ARHGAP12: variants seen among roughly 807,000 people sequenced by gnomAD.
ARHGAP12 encodes Rho GTPase activating protein 12, also known as rho GTPase-activating protein 12.
A neutral mutation model predicts 108.6 loss-of-function variants in ARHGAP12; 64 were observed. The observed-to-expected ratio is 0.59, with a 90% CI of 0.48 to 0.73. ARHGAP12 has a LOEUF of 0.73. Ranked by LOEUF, ARHGAP12 falls within the 30% of genes least tolerant of loss-of-function variation. The pLI is 0.00. For missense variants in ARHGAP12, 940 were observed against 1,005.9 expected, an observed-to-expected ratio of 0.93 and a Z score of 0.89; for synonymous variants, 312 against 337.2, an observed-to-expected ratio of 0.93 and a Z score of 0.82.
chr10:31,870,997 AACT>A (rs1453851733), intron 3 of ARHGAP12, among the ~76,000 whole-genome samples: 1 of 152,152 alleles, frequency 6.6e-6, no homozygotes, highest in Non-Finnish European at 1.5e-5. Flanking sequence ...AAGAGGACAA[AACT>A]ACTCTAATGA....
intron 3 of ARHGAP12, among the ~76,000 whole-genome samples, chr10:31,867,331 G>A (rs937618787): frequency 2.0e-5 from 3 of 151,802 alleles, no homozygotes; most frequent in African/African-American, 4.8e-5. Flanking sequence ...CTGATCTCTG[G>A]CAAAAAGAAA....
At chr10:31,926,437 G>C (rs71491494) in intron 1 of ARHGAP12, among the ~76,000 whole-genome samples, 9,380 of 151,938 alleles carry the variant, frequency 0.062, 393 homozygotes, top group Middle Eastern at 0.094. Context: ...GTCGTACTAC[G>C]ACACCTTTCA....
chr10:31,810,729 T>A lies in ARHGAP12; in HGVS notation c.1970A>T (p.Asn657Ile), dbSNP rs768674253. ...GYIKDQVFGS[N>I]LANLCQRENG... The stretch of plus-strand genomic sequence containing the variant: ...CTCTCTCTGACACAGATTAGCGAGA[T>A]TGGATCCAAATACCTGATCTGAAAA... The change falls in exon 16 of 20, where the codon AAT (asparagine) becomes ATT (isoleucine). Residue 657 changes from asparagine to isoleucine, a missense_variant. Asn to Ile is a moderately radical substitution (Grantham distance 149). Coordinates refer to ENST00000344936, the MANE Select transcript of ARHGAP12 (RefSeq NM_018287.7). The A allele has an allele frequency of 3.7e-6, 6 of 1,610,220 alleles. No individual in the cohort carries two copies. Among genetic ancestry groups the A allele is most frequent in the Admixed American group, 1.7e-5 (1 of 59,230 alleles).
intron 7 of ARHGAP12, among the ~76,000 whole-genome samples, 169 bp downstream of exon 7, chr10:31,843,292 T>A (rs1308885109): frequency 1.3e-5 from 2 of 152,132 alleles, no homozygotes; most frequent in East Asian, 3.8e-4. Context: ...GAAACAATAA[T>A]GTAGTAACAT....
intron 3 of ARHGAP12, among the ~76,000 whole-genome samples, chr10:31,898,230 A>G (rs1838784141): frequency 6.6e-6 from 1 of 152,218 alleles, no homozygotes; most frequent in Non-Finnish European, 1.5e-5. Flanking sequence ...ATAATAAGGC[A>G]ACGCAACTTA....
At chr10:31,924,242 G>T (rs765551059) in intron 1 of ARHGAP12, among the ~76,000 whole-genome samples, 1 of 152,128 alleles carries the variant, frequency 6.6e-6, no homozygotes, top group South Asian at 2.1e-4. Context: ...TCCACACAAA[G>T]GCCTTACATG....
In ARHGAP12 at chr10:31,861,442, C is replaced by A; in HGVS notation, c.901G>T (p.Asp301Tyr). Residue 301 changes from aspartate (D) to tyrosine (Y), a missense_variant, in exon 4 of 20, where the codon GAT (aspartate) becomes TAT (tyrosine). By Grantham distance (160) the Asp-to-Tyr change is radical (BLOSUM62 -3). Coordinates refer to ENST00000344936, the MANE Select transcript of ARHGAP12 (RefSeq NM_018287.7). ...AAATCTCCTTTGCTGATGCTTGCAT[C>A]CCGAGTCCAACGAGGAGGTTTCCAA... ...RTWKPPRWTR[D>Y]ASISKGDFQN... The A allele has an allele frequency of 6.2e-7, 1 of 1,614,178 alleles. No individual in the cohort carries two copies. The highest frequency in any genetic ancestry group is 8.5e-7 in the Non-Finnish European group (1 of 1,180,012).
chr10:31,874,999 AAAAT>A (rs1592320984), intron 3 of ARHGAP12, among the ~76,000 whole-genome samples: 4 of 150,456 alleles, frequency 2.7e-5, no homozygotes, highest in African/African-American at 4.9e-5. Flanking sequence ...AAAAAAAAAA[AAAAT>A]TTTCACACAC....
intron 3 of ARHGAP12, among the ~76,000 whole-genome samples, chr10:31,901,707 TA>T: frequency 6.6e-6 from 1 of 152,056 alleles, no homozygotes; most frequent in East Asian, 1.9e-4. Context: ...TCCACAGAGG[TA>T]AAAGTTAACA....
At chr10:31,862,713 C>CAG (rs201904840) in intron 3 of ARHGAP12, among the ~76,000 whole-genome samples, 434 of 83,250 alleles carry the variant, frequency 5.2e-3, no homozygotes, top group Middle Eastern at 0.043. Flanking sequence ...CAGACACACA[C>CAG]ACACACACAC....
intron 1 of ARHGAP12, among the ~76,000 whole-genome samples, chr10:31,920,740 A>G (rs969791303): frequency 6.6e-6 from 1 of 152,200 alleles, no homozygotes; most frequent in Non-Finnish European, 1.5e-5. Context: ...GAGTATTTAC[A>G]TAGTGTTAGT....
At chr10:31,855,411 A>T (rs1417669503) in intron 4 of ARHGAP12, among the ~76,000 whole-genome samples, 1 of 152,242 alleles carries the variant, frequency 6.6e-6, no homozygotes, top group Non-Finnish European at 1.5e-5. Flanking sequence ...AAACTTACTC[A>T]TTCAGACTGT....
At chr10:31,920,470 A>AAAAAAAAAAAAAAAAAAAAC (rs1292227937) in intron 1 of ARHGAP12, among the ~76,000 whole-genome samples, 1 of 150,916 alleles carries the variant, frequency 6.6e-6, no homozygotes, top group African/African-American at 2.4e-5. Context: ...AAAAAAAAAA[A>AAAAAAAAAAAAAAAAAAAAC]AGAAAACTGA....
intron 1 of ARHGAP12, among the ~76,000 whole-genome samples, chr10:31,918,399 AT>A: frequency 6.6e-6 from 1 of 151,100 alleles, no homozygotes; most frequent in East Asian, 2.0e-4. Flanking sequence ...GACGGCTATC[AT>A]TTTTTTTAAA....
At chr10:31,825,976 G>C (rs978954689) in intron 11 of ARHGAP12, among the ~76,000 whole-genome samples, 3 of 152,078 alleles carry the variant, frequency 2.0e-5, no homozygotes, top group African/African-American at 7.2e-5. Flanking sequence ...ATCTGAAATA[G>C]CAGAGTCACA....
chr10:31,927,114 A>G (rs967583380), intron 1 of ARHGAP12, among the ~76,000 whole-genome samples: 4 of 152,234 alleles, frequency 2.6e-5, no homozygotes, highest in Non-Finnish European at 4.4e-5. Flanking sequence ...GCATGCAACC[A>G]GGGGTCGCAC....
Position 31,810,672 on chromosome 10 carries a change from C to G in ARHGAP12, c.2027G>C (p.Cys676Ser), listed in dbSNP as rs1834982449. 3.7e-6 allele frequency: 6 copies of G among 1,603,660 alleles called. No homozygotes were observed. The highest frequency in any genetic ancestry group is 5.1e-6 in the Non-Finnish European group (6 of 1,175,860). Residue 676 changes from cysteine to serine, a missense_variant, in exon 16 of 20, where the codon TGT becomes TCT. By Grantham distance (112) the Cys-to-Ser change is moderately radical. Transcript: ENST00000344936. ...NGTVPKFVKL[C>S]IEHVEEHGLD... Reference sequence around the variant, plus strand: ...ACCATGTTCTTCAACATGTTCAATACATAACTTCACAAACTTTGGTACTGT... The same window carrying G: ...ACCATGTTCTTCAACATGTTCAATAGATAACTTCACAAACTTTGGTACTGT...
At chr10:31,869,592 C>A (rs1159036976) in intron 3 of ARHGAP12, among the ~76,000 whole-genome samples, 4 of 151,866 alleles carry the variant, frequency 2.6e-5, no homozygotes, top group Admixed American at 2.0e-4. Context: ...CTAAAAAAAA[C>A]AAAGTTAATT....
intron 6 of ARHGAP12, among the ~76,000 whole-genome samples, chr10:31,845,840 C>T (rs1836441177): frequency 6.6e-6 from 1 of 152,044 alleles, no homozygotes; most frequent in Admixed American, 6.6e-5. Flanking sequence ...ATTCTTGGAT[C>T]ACAGTGATTT....
Sources: gnomAD v4.1 joint callset for allele counts (sites outside exome capture counted in the v4.1 genomes callset) on GRCh38, gnomAD v4.1.1 for gene constraint, MANE v1.5 for transcripts, NCBI Gene and HGNC (gene_info 2026-07-23, HGNC 2026-07-21) for gene names.